NINJ2: variants seen among roughly 807,000 people sequenced by gnomAD.
NINJ2 encodes ninjurin-2.
A neutral mutation model predicts 11.7 loss-of-function variants in NINJ2; 12 were observed. The observed-to-expected ratio is 1.02, with a 90% confidence interval of 0.66 to 1.66. The LOEUF (loss-of-function observed/expected upper bound fraction) is 1.66, where lower values mean the gene tolerates loss of function less well. NINJ2 is among the 40% of genes most tolerant of loss of function. The probability of loss-of-function intolerance (pLI) is 0.00; values close to 1 mark genes in which losing one functional copy is unlikely to be tolerated. For missense variants in NINJ2, 187 were observed against 181.8 expected, an observed-to-expected ratio of 1.03 and a Z score of -0.16; for synonymous variants, 93 against 76.8, an observed-to-expected ratio of 1.21 and a Z score of -1.10.
intron 1 of NINJ2, among the ~76,000 whole-genome samples, chr12:609,242 CCA>C (rs141464293): frequency 8.3e-6 from 1 of 120,724 alleles, no homozygotes; most frequent in Non-Finnish European, 1.9e-5. Context: ...ACGCACGGCG[CCA>C]CGCTAGGGGC....
chr12:638,166 C>T (rs1052101980), intron 1 of NINJ2, among the ~76,000 whole-genome samples: 4 of 152,194 alleles, frequency 2.6e-5, no homozygotes, highest in Non-Finnish European at 4.4e-5. Flanking sequence ...TGCTGCATTC[C>T]ACCTCCTGCA....
At chr12:565,864 G>T in intron 2 of NINJ2, 86 bp downstream of exon 2, 1 of 1,160,042 alleles carries the variant, frequency 8.6e-7, no homozygotes, top group Non-Finnish European at 1.3e-6. Context: ...CTGTGCCAAT[G>T]CAGGGTGGCC....
At chr12:573,057 G>A (rs192035930) in intron 1 of NINJ2, among the ~76,000 whole-genome samples, 7 of 106,058 alleles carry the variant, frequency 6.6e-5, no homozygotes, top group African/African-American at 2.3e-4. Context: ...ACAGAGTCTC[G>A]CTCTGTCGCC....
intron 1 of NINJ2, among the ~76,000 whole-genome samples, chr12:595,540 C>T (rs1947773266): frequency 6.6e-6 from 1 of 152,212 alleles, no homozygotes; most frequent in South Asian, 2.1e-4. Context: ...TTTGGGAGGC[C>T]AAGGCGGGTG....
At chr12:599,520 A>C (rs1947836819) in intron 1 of NINJ2, among the ~76,000 whole-genome samples, 2 of 152,222 alleles carry the variant, frequency 1.3e-5, no homozygotes, top group Non-Finnish European at 2.9e-5. Flanking sequence ...TCACACGTTG[A>C]GCAGCGTGTA....
intron 1 of NINJ2, among the ~76,000 whole-genome samples, chr12:636,430 T>A (rs945231265): frequency 2.6e-5 from 4 of 150,982 alleles, no homozygotes; most frequent in African/African-American, 9.7e-5. Flanking sequence ...AATAAAAGAG[T>A]GAAAAGACAA....
intron 1 of NINJ2, among the ~76,000 whole-genome samples, chr12:609,028 G>A (rs546975119): frequency 6.7e-6 from 1 of 149,860 alleles, no homozygotes; most frequent in South Asian, 2.1e-4. Context: ...GCTAGGGGCT[G>A]TACGCACGCA....
At chr12:636,968 G>T (rs891265525) in intron 1 of NINJ2, among the ~76,000 whole-genome samples, 1 of 152,154 alleles carries the variant, frequency 6.6e-6, no homozygotes, top group Non-Finnish European at 1.5e-5. Context: ...TCACAACGGC[G>T]AAAAGAAACA....
At chr12:631,731 G>A (rs965943618) in intron 1 of NINJ2, among the ~76,000 whole-genome samples, 1 of 152,140 alleles carries the variant, frequency 6.6e-6, no homozygotes, top group Non-Finnish European at 1.5e-5. Context: ...TGTGTGTACT[G>A]TTTGTAATTG....
intron 1 of NINJ2, among the ~76,000 whole-genome samples, chr12:636,710 G>C (rs1948356417): frequency 6.6e-6 from 1 of 151,842 alleles, no homozygotes; most frequent in South Asian, 2.1e-4. Flanking sequence ...ATGACTATTT[G>C]AAAAAAATGA....
chr12:624,572 G>A (rs1948190333), intron 1 of NINJ2, among the ~76,000 whole-genome samples: 1 of 152,176 alleles, frequency 6.6e-6, no homozygotes, highest in African/African-American at 2.4e-5. Flanking sequence ...ACTTTGGGAA[G>A]CAGAGGAGGT....
intron 1 of NINJ2, among the ~76,000 whole-genome samples, chr12:571,452 G>A (rs538309647): frequency 2.6e-4 from 39 of 152,112 alleles, no homozygotes; most frequent in Non-Finnish European, 5.3e-4. Flanking sequence ...AGGCAGGGGG[G>A]TGGGGGACAC....
rs200833054 is a variant in NINJ2 at position 580,598 on chromosome 12, AATAT to A, written c.34-14424_34-14421del. 0.11 allele frequency among the ~76,000 whole-genome samples: 6,802 copies of A among 60,440 alleles called. 355 individuals carry two copies. Among genetic ancestry groups the A allele is most frequent in the Admixed American group, 0.33 (2,561 of 7,704 alleles). The allele number at this position is 60,440 out of a possible 152,430, so 39.7% of individuals were successfully genotyped here. ...AGAGACCCTGTCTCAAAAAAAAAAAAATATATATATATATATATCCATTTGTCAT... is the reference window on the plus strand; with the variant it reads ...AGAGACCCTGTCTCAAAAAAAAAAAAATATATATATATATCCATTTGTCAT... On this transcript the variant is annotated intron_variant, in intron 1 of 3. Coordinates refer to ENST00000305108, the MANE Select transcript of NINJ2 (RefSeq NM_016533.6). The surrounding 1 kb of genome is among the most constrained non-coding windows in gnomAD (Gnocchi z 4.7).
chr12:589,253 G>A lies in NINJ2; in HGVS notation c.34-23075C>T, dbSNP rs142636275. Among the ~76,000 whole-genome samples, 6 of 152,206 alleles carry A rather than the reference G, an allele frequency of 3.9e-5. No individual in the cohort carries two copies. In the East Asian group the frequency reaches 1.2e-3, roughly 29 times the overall value. On this transcript the variant is annotated intron_variant, in intron 1 of 3. Coordinates refer to ENST00000305108, the MANE Select transcript of NINJ2 (RefSeq NM_016533.6). ...CTTGTTCAATCAGTAAAAAACAATG[G>A]ACAAAATGAAACAAAACAAAAAGAA...
In NINJ2 at chr12:573,632, A is replaced by C. The variant is rs75390815; in HGVS notation, c.34-7454T>G. On this transcript the variant is annotated intron_variant, in intron 1 of 3. Coordinates refer to ENST00000305108, the MANE Select transcript of NINJ2 (RefSeq NM_016533.6). ...AAACAAACAAAAAAACAGATAAAAAACAAAAACATATGCAGCCTAAGATGA... is the reference window on the plus strand; with the variant it reads ...AAACAAACAAAAAAACAGATAAAAACCAAAAACATATGCAGCCTAAGATGA... Among the ~76,000 whole-genome samples, 1,129 of 152,250 alleles carry C rather than the reference A, an allele frequency of 7.4e-3. 9 individuals are homozygous for C. The highest frequency in any genetic ancestry group is 0.026 in the African/African-American group (1,077 of 41,554).
At chr12:638,563 C>G (rs1389433363) in intron 1 of NINJ2, among the ~76,000 whole-genome samples, 1 of 152,186 alleles carries the variant, frequency 6.6e-6, no homozygotes, top group African/African-American at 2.4e-5. Context: ...CTACAGGCGC[C>G]CGCCACCACG....
chr12:653,307 T>C (rs1937823326), intron 1 of NINJ2, among the ~76,000 whole-genome samples: 1 of 152,088 alleles, frequency 6.6e-6, no homozygotes, highest in African/African-American at 2.4e-5. Flanking sequence ...GCGTGAGCCA[T>C]ATTTTGTTTC....
chr12:655,367 C>G (rs1390417989), intron 1 of NINJ2, among the ~76,000 whole-genome samples: 1 of 152,158 alleles, frequency 6.6e-6, no homozygotes, highest in Non-Finnish European at 1.5e-5. Flanking sequence ...TGTAGAAAAT[C>G]TAAATGAACT....
rs1178571174 is a variant in NINJ2, at chr12:565,280, A to C, written c.384T>G (p.His128Gln). ...CCCTGGCAGCCAGGAACCCTGTTTT[A>C]TGTGCCCCGAAGGCTGTAATGAAAA... ...INVFITAFGA[H>Q]KTGFLAARAS... Residue 128 changes from histidine to glutamine, a missense_variant, in exon 3 of 4, where the codon CAT (histidine) becomes CAG (glutamine). His to Gln is a conservative substitution (Grantham distance 24, BLOSUM62 0). Transcript: ENST00000305108. 12 of 1,614,044 alleles carry C rather than the reference A, an allele frequency of 7.4e-6. No individual in the cohort carries two copies. The highest frequency in any genetic ancestry group is 9.3e-6 in the Non-Finnish European group (11 of 1,179,996).
Sources: allele counts gnomAD v4.1 joint callset (sites outside exome capture counted in the v4.1 genomes callset), GRCh38; gene constraint gnomAD v4.1.1; non-coding constraint Gnocchi (gnomAD v3.1); transcripts MANE v1.5; gene names NCBI Gene and HGNC (gene_info 2026-07-23, HGNC 2026-07-21).